CDH13: variants seen among roughly 807,000 people sequenced by gnomAD.
CDH13 encodes the protein cadherin 13.
In CDH13, 24 loss-of-function variants were observed where a neutral mutation model predicts 63.8. The observed-to-expected ratio is 0.38, with a 90% CI of 0.27 to 0.53. The LOEUF (loss-of-function observed/expected upper bound fraction) is 0.53. Ranked by LOEUF, CDH13 falls within the 20% of genes least tolerant of loss-of-function variation. The probability of loss-of-function intolerance (pLI) is 0.85; values close to 1 mark genes in which losing one functional copy is unlikely to be tolerated. For missense variants in CDH13, 1,049 were observed against 903.1 expected (o/e 1.16, Z -2.07); for synonymous variants, 503 against 355.3 (o/e 1.42, Z -4.67).
chr16:83,368,389 G>C (rs889158159), intron 6 of CDH13, among the ~76,000 whole-genome samples: 3 of 152,152 alleles, frequency 2.0e-5, no homozygotes, highest in African/African-American at 7.2e-5. Flanking sequence ...TTGGTTGCTT[G>C]CTGTAGCTCA....
chr16:82,942,647 A>G (rs953736065), intron 2 of CDH13, among the ~76,000 whole-genome samples: 2 of 152,148 alleles, frequency 1.3e-5, no homozygotes, highest in Admixed American at 6.5e-5. Context: ...ACCATGCTGT[A>G]TGTGCACTGG....
intron 1 of CDH13, among the ~76,000 whole-genome samples, chr16:82,768,779 G>A (rs940518466): frequency 1.3e-5 from 2 of 152,186 alleles, no homozygotes; most frequent in Admixed American, 6.5e-5. Context: ...TTTCTTTGCT[G>A]TCTAACCCAG....
intron 5 of CDH13, among the ~76,000 whole-genome samples, chr16:83,253,002 T>A (rs973895744): frequency 1.3e-5 from 2 of 152,162 alleles, no homozygotes; most frequent in African/African-American, 4.8e-5. Context: ...TTTTATAGGG[T>A]ACTAAGAGAA....
chr16:82,781,539 A>G (rs2035754468), intron 1 of CDH13, among the ~76,000 whole-genome samples: 3 of 151,996 alleles, frequency 2.0e-5, no homozygotes, highest in Middle Eastern at 3.4e-3. Flanking sequence ...CTATCCATCC[A>G]CCCAGCTATT....
At chr16:83,602,853 C>T (rs1265866374) in intron 8 of CDH13, among the ~76,000 whole-genome samples, 1 of 152,134 alleles carries the variant, frequency 6.6e-6, no homozygotes, top group African/African-American at 2.4e-5. Flanking sequence ...ACTTTTAATG[C>T]CCAAGTGCCA....
chr16:83,225,638 A>G (rs1406977114), intron 5 of CDH13, among the ~76,000 whole-genome samples: 6 of 152,170 alleles, frequency 3.9e-5, no homozygotes, highest in African/African-American at 1.4e-4. Flanking sequence ...TGAACAAAGC[A>G]TTTGTGGTTC....
At chr16:83,592,288 G>T (rs4386122) in intron 7 of CDH13, among the ~76,000 whole-genome samples, 51,501 of 151,946 alleles carry the variant, frequency 0.34, 9,019 homozygotes, top group Middle Eastern at 0.39. Flanking sequence ...ACCTTAATTG[G>T]TATTAATACC....
chr16:83,500,046 G>T (rs974327758), intron 7 of CDH13, among the ~76,000 whole-genome samples: 1 of 151,552 alleles, frequency 6.6e-6, no homozygotes, highest in Non-Finnish European at 1.5e-5. Context: ...CAGGCGATCC[G>T]CCCACCTCGG....
intron 3 of CDH13, among the ~76,000 whole-genome samples, chr16:83,090,232 T>A (rs533548138): frequency 6.6e-6 from 1 of 152,272 alleles, no homozygotes; most frequent in South Asian, 2.1e-4. Flanking sequence ...GTCTACAGCA[T>A]GTTCCCTGGT....
intron 5 of CDH13, among the ~76,000 whole-genome samples, chr16:83,219,085 A>T (rs541301147): frequency 6.6e-6 from 1 of 152,270 alleles, no homozygotes; most frequent in African/African-American, 2.4e-5. Flanking sequence ...ACGGACTAAT[A>T]CAGCATCTGA....
chr16:82,999,756 G>A (rs1049503603), intron 2 of CDH13, among the ~76,000 whole-genome samples: 3 of 152,220 alleles, frequency 2.0e-5, no homozygotes, highest in South Asian at 2.1e-4. Flanking sequence ...AGCAGCTGTC[G>A]TCCAGCACAT....
chr16:83,507,836 C>G (rs1277177146), intron 7 of CDH13, among the ~76,000 whole-genome samples: 1 of 120,126 alleles, frequency 8.3e-6, no homozygotes, highest in Non-Finnish European at 1.8e-5. Context: ...AGTTCGATGC[C>G]AGCCTGGCCA....
chr16:82,911,731 T>G (rs1056585821), intron 2 of CDH13, among the ~76,000 whole-genome samples: 2 of 152,118 alleles, frequency 1.3e-5, no homozygotes, highest in African/African-American at 4.8e-5. Context: ...TTACGGCCCC[T>G]TACTCAATGG....
intron 3 of CDH13, among the ~76,000 whole-genome samples, chr16:83,079,226 A>G (rs1416193386): frequency 2.0e-5 from 3 of 152,238 alleles, no homozygotes; most frequent in South Asian, 4.1e-4. Flanking sequence ...TACCAGAAGT[A>G]GTGTCTTCTG....
At chr16:83,684,651 A>G (rs892112720) in intron 10 of CDH13, among the ~76,000 whole-genome samples, 6 of 152,228 alleles carry the variant, frequency 3.9e-5, no homozygotes, top group Admixed American at 2.0e-4. Context: ...AAACAATTCC[A>G]CAGCAGAGAC....
At chr16:83,028,627 C>A (rs1239415813) in intron 2 of CDH13, among the ~76,000 whole-genome samples, 1 of 152,188 alleles carries the variant, frequency 6.6e-6, no homozygotes, top group Non-Finnish European at 1.5e-5. Context: ...CCTATACATA[C>A]ATAGCTATGT....
At chr16:82,659,249 C>G (rs1911653591) in intron 1 of CDH13, among the ~76,000 whole-genome samples, 1 of 152,222 alleles carries the variant, frequency 6.6e-6, no homozygotes, top group African/African-American at 2.4e-5. Flanking sequence ...TCATTCAACA[C>G]TGGGTTTAGA....
At chr16:82,944,621 G>C (rs1027287939) in intron 2 of CDH13, among the ~76,000 whole-genome samples, 1 of 152,106 alleles carries the variant, frequency 6.6e-6, no homozygotes, top group African/African-American at 2.4e-5. Flanking sequence ...ACAATATACA[G>C]GACTGCCTAT....
At chr16:83,706,628 ATTTC>A (rs1335888924) in intron 10 of CDH13, among the ~76,000 whole-genome samples, 1 of 152,176 alleles carries the variant, frequency 6.6e-6, no homozygotes, top group Non-Finnish European at 1.5e-5. Flanking sequence ...CTATACAATC[ATTTC>A]TTTGGTTGCA....
Sources: allele counts gnomAD v4.1 joint callset (sites outside exome capture counted in the v4.1 genomes callset), GRCh38; gene constraint gnomAD v4.1.1; transcripts MANE v1.5; gene names NCBI Gene and HGNC (gene_info 2026-07-23, HGNC 2026-07-21).